The following GUCY2F variants were observed in gnomAD, a reference collection of about 807,000 sequenced individuals.
GUCY2F encodes the protein guanylate cyclase 2F, retinal.
GUCY2F carries 61 observed loss-of-function variants against 73.1 expected under a neutral mutation model. The observed-to-expected ratio is 0.83, with a 90% CI of 0.68 to 1.03. The LOEUF is 1.03. Ranked by LOEUF, GUCY2F falls within the 50% of genes least tolerant of loss-of-function variation. The pLI, the probability that GUCY2F is intolerant of heterozygous loss-of-function variation, is 0.00. For synonymous variants in GUCY2F, 331 were observed against 307.8 expected, an observed-to-expected ratio of 1.08 and a Z score of -0.79; for missense variants, 912 against 854.3, an observed-to-expected ratio of 1.07 and a Z score of -0.84.
At chrX:109,397,824 T>C (rs186012893) in intron 11 of GUCY2F, among the ~76,000 whole-genome samples, 1 of 107,332 alleles carries the variant, frequency 9.3e-6, no homozygotes, top group East Asian at 2.9e-4. Context: ...CATTATTAGA[T>C]TGAGGTTATG....
intron 3 of GUCY2F, among the ~76,000 whole-genome samples, chrX:109,456,311 G>C (rs1932258942): frequency 8.9e-6 from 1 of 111,770 alleles, no homozygotes; most frequent in Non-Finnish European, 1.9e-5. Context: ...AGGATGGAAA[G>C]TGGAGTATAA....
intron 1 of GUCY2F, among the ~76,000 whole-genome samples, chrX:109,481,086 GGAAGGAAGGAAGGAAGGA>G: frequency 1.4e-5 from 1 of 73,407 alleles, no homozygotes; most frequent in East Asian, 4.8e-4. Flanking sequence ...AAGGAAGGAA[GGAAGGAAGGAAGGAAGGA>G]AGGGAGGGAG....
At chrX:109,457,879 A>G (rs1285598431) in intron 3 of GUCY2F, among the ~76,000 whole-genome samples, 2 of 112,440 alleles carry the variant, frequency 1.8e-5, no homozygotes, top group Non-Finnish European at 3.8e-5. Flanking sequence ...CCAGCCATAT[A>G]CATTTGTGGC....
intron 7 of GUCY2F, among the ~76,000 whole-genome samples, chrX:109,433,152 T>C (rs889458579): frequency 8.9e-6 from 1 of 112,135 alleles, no homozygotes; most frequent in Non-Finnish European, 1.9e-5. Context: ...ACATCAGTAC[T>C]CGCAGTCCTG....
chrX:109,386,008 C>T (rs1278297419), intron 15 of GUCY2F, among the ~76,000 whole-genome samples: 3 of 110,847 alleles, frequency 2.7e-5, no homozygotes, highest in Non-Finnish European at 5.7e-5. Context: ...CACCATATTT[C>T]CCACGCTGGT....
intron 8 of GUCY2F, among the ~76,000 whole-genome samples, chrX:109,420,390 AAGT>A (rs58124789): frequency 0.028 from 3,022 of 106,206 alleles, 115 homozygotes; most frequent in African/African-American, 0.089. Flanking sequence ...AAGAGAAAGA[AAGT>A]AGGAGGGACA....
In GUCY2F at chrX:109,432,022, C is replaced by T. The variant is rs1005199347; in HGVS notation, c.1702-1626G>A. Among the ~76,000 whole-genome samples, 3 of 111,497 alleles carry T rather than the reference C, an allele frequency of 2.7e-5. No individual in the cohort carries two copies. In the Admixed American group the frequency reaches 2.8e-4, roughly 11 times the overall value. On this transcript the variant is annotated intron_variant, in intron 7 of 19. Transcript: ENST00000218006. ...AGCAGAATGGTCAAAGCATTTGATC[C>T]AGTAAATCTCCAAGTGTGGTCCCTG...
At chrX:109,377,068 A>G (rs112661664) in intron 17 of GUCY2F, among the ~76,000 whole-genome samples, 73 of 112,212 alleles carry the variant, frequency 6.5e-4, no homozygotes, top group African/African-American at 2.3e-3. Flanking sequence ...TTCCAATTAG[A>G]TTTACCCCTT....
chrX:109,416,519 TGG>T (rs78928319), intron 8 of GUCY2F, among the ~76,000 whole-genome samples: 1 of 108,899 alleles, frequency 9.2e-6, no homozygotes, highest in East Asian at 2.9e-4. Flanking sequence ...AAAGGATAAG[TGG>T]GGACAATATC....
At chrX:109,467,042 G>A (rs929407842) in intron 2 of GUCY2F, among the ~76,000 whole-genome samples, 1 of 112,165 alleles carries the variant, frequency 8.9e-6, no homozygotes, top group African/African-American at 3.2e-5. Context: ...GGTTCTACAT[G>A]TATTCTGATG....
intron 8 of GUCY2F, among the ~76,000 whole-genome samples, chrX:109,429,277 G>T (rs936604323): frequency 6.3e-5 from 7 of 110,580 alleles, no homozygotes; most frequent in African/African-American, 2.3e-4. Context: ...GCCAGGCATG[G>T]TGGTGGGCAC....
intron 3 of GUCY2F, 38 bp from the exon 4 acceptor site, chrX:109,453,897 GC>G: frequency 1.3e-6 from 1 of 792,352 alleles, no homozygotes; most frequent in Non-Finnish European, 1.8e-6. Flanking sequence ...AGCCCTGGTC[GC>G]CCTAGAGCGA....
intron 8 of GUCY2F, among the ~76,000 whole-genome samples, chrX:109,417,129 A>G (rs1931264171): frequency 1.8e-5 from 2 of 111,347 alleles, no homozygotes; most frequent in South Asian, 7.5e-4. Flanking sequence ...TTCAGGTTGA[A>G]GAGAAAAGAT....
chrX:109,435,981 C>T (rs1202548414), intron 7 of GUCY2F, among the ~76,000 whole-genome samples: 5 of 111,382 alleles, frequency 4.5e-5, no homozygotes, highest in Non-Finnish European at 9.4e-5. Context: ...ATGAAACCCA[C>T]TTGATCATGG....
intron 5 of GUCY2F, among the ~76,000 whole-genome samples, chrX:109,449,075 C>A (rs1054587074): frequency 9.0e-6 from 1 of 111,440 alleles, no homozygotes; most frequent in African/African-American, 3.3e-5. Context: ...CTTGGGGGCT[C>A]TGACAGCTAC....
chrX:109,389,967 G>A (rs376308716), intron 14 of GUCY2F, among the ~76,000 whole-genome samples: 2 of 111,848 alleles, frequency 1.8e-5, no homozygotes, highest in South Asian at 3.8e-4. Context: ...CTTACCTTGT[G>A]CAATTTGAGG....
chrX:109,385,031 C>T (rs1930403270), intron 16 of GUCY2F, among the ~76,000 whole-genome samples, 153 bp downstream of exon 16: 1 of 111,703 alleles, frequency 9.0e-6, no homozygotes, highest in Non-Finnish European at 1.9e-5. Flanking sequence ...CAGGAAAATC[C>T]GTGATAAATC....
At chrX:109,417,288 A>G (rs941204504) in intron 8 of GUCY2F, among the ~76,000 whole-genome samples, 4 of 111,697 alleles carry the variant, frequency 3.6e-5, no homozygotes, top group African/African-American at 1.3e-4. Context: ...TTAACACTAT[A>G]TTATATGGTT....
At position 109,475,301 on chromosome X, in the gene GUCY2F, G is replaced by T. The variant is rs368309914; in HGVS notation, c.636C>A (p.His212Gln). ...TCAGGACGACCCCTACAGGTAAGCC[G>T]TGGCTCCGAAGAGCACTTGCGACTC... ...ANRVASALRS[H>Q]GLPVGVVLTT... is the part of the protein sequence containing the mutation. The change falls in exon 2 of 20, where the codon CAC (histidine) becomes CAA (glutamine). Residue 212 changes from histidine (H) to glutamine (Q), a missense_variant. Physicochemically the swap from His to Gln is conservative, Grantham distance 24. Coordinates refer to ENST00000218006, the MANE Select transcript of GUCY2F (RefSeq NM_001522.3). The T allele has an allele frequency of 8.3e-7, 1 of 1,210,813 alleles. No individual in the cohort carries two copies. Among genetic ancestry groups the T allele is most frequent in the Non-Finnish European group, 1.1e-6 (1 of 894,711 alleles).
Sources: allele counts gnomAD v4.1 joint callset (sites outside exome capture counted in the v4.1 genomes callset), GRCh38; gene constraint gnomAD v4.1.1; transcripts MANE v1.5; gene names NCBI Gene and HGNC (gene_info 2026-07-23, HGNC 2026-07-21).